The following APBB2 variants were observed in gnomAD, a reference collection of about 807,000 sequenced individuals.
The protein encoded by APBB2 is Fe65-like 1.
A neutral mutation model predicts 82.5 loss-of-function variants in APBB2; 38 were observed. That is an observed-to-expected ratio of 0.46 (90% confidence interval 0.36 to 0.60). The LOEUF is 0.60. Among genes scored for constraint, APBB2 ranks in the 20% least tolerant of loss-of-function variants. The pLI is 0.00. For missense variants in APBB2, 772 were observed against 972.3 expected (o/e 0.79, Z 2.74); for synonymous variants, 341 against 368.2 (o/e 0.93, Z 0.85).
intron 1 of APBB2, among the ~76,000 whole-genome samples, chr4:41,211,728 C>G (rs1004278867): frequency 3.9e-5 from 6 of 152,210 alleles, no homozygotes; most frequent in African/African-American, 1.4e-4. Flanking sequence ...GTGATCTGCC[C>G]GCCTCAGCTT....
At chr4:41,071,162 A>G (rs901996606) in intron 3 of APBB2, among the ~76,000 whole-genome samples, 1 of 152,246 alleles carries the variant, frequency 6.6e-6, no homozygotes, top group African/African-American at 2.4e-5. Flanking sequence ...AAGATATGTA[A>G]TAGCTCTGCT....
At chr4:41,110,812 G>A (rs548849750) in intron 2 of APBB2, among the ~76,000 whole-genome samples, 4 of 152,164 alleles carry the variant, frequency 2.6e-5, no homozygotes, top group South Asian at 2.1e-4. Context: ...AACTGGTTTC[G>A]TGAAAGACAA....
intron 6 of APBB2, among the ~76,000 whole-genome samples, chr4:40,973,002 T>G (rs1263394315): frequency 6.6e-6 from 1 of 152,254 alleles, no homozygotes; most frequent in African/African-American, 2.4e-5. Flanking sequence ...ACCAGTGGTA[T>G]GTACAATAAA....
At chr4:40,833,347 G>A (rs1752719383) in intron 12 of APBB2, among the ~76,000 whole-genome samples, 1 of 152,076 alleles carries the variant, frequency 6.6e-6, no homozygotes, top group Admixed American at 6.6e-5. Flanking sequence ...GGCACTCCCC[G>A]CTGCTCCAGA....
chr4:40,862,726 G>A (rs1314405468), intron 12 of APBB2, among the ~76,000 whole-genome samples: 2 of 152,162 alleles, frequency 1.3e-5, no homozygotes, highest in Non-Finnish European at 2.9e-5. Context: ...AGGCGTGGTG[G>A]CAGGCACCTA....
chr4:40,873,475 T>C (rs767773859), intron 12 of APBB2, among the ~76,000 whole-genome samples: 49 of 152,236 alleles, frequency 3.2e-4, no homozygotes, highest in Non-Finnish European at 6.6e-4. Context: ...AGCTCAACGC[T>C]GTACAGAGAT....
chr4:40,906,486 AAAG>A (rs1489678022), intron 10 of APBB2, among the ~76,000 whole-genome samples: 54 of 144,340 alleles, frequency 3.7e-4, no homozygotes, highest in African/African-American at 1.1e-3. Context: ...AAAAAAAAAA[AAAG>A]AAAAGAAAAG....
chr4:41,038,059 A>G (rs1719935594), intron 4 of APBB2, among the ~76,000 whole-genome samples: 1 of 152,158 alleles, frequency 6.6e-6, no homozygotes, highest in South Asian at 2.1e-4. Context: ...TAGCAACAAT[A>G]GTTTCCTTCT....
At chr4:41,134,568 G>C (rs1757049870) in intron 2 of APBB2, among the ~76,000 whole-genome samples, 2 of 152,134 alleles carry the variant, frequency 1.3e-5, no homozygotes, top group East Asian at 1.9e-4. Context: ...GTATATCATG[G>C]AGTTTCGGAA....
At chr4:41,129,782 A>AATTTATATATATAAATATATTTAT (rs1755448402) in intron 2 of APBB2, among the ~76,000 whole-genome samples, 6 of 151,736 alleles carry the variant, frequency 4.0e-5, no homozygotes, top group African/African-American at 1.2e-4. Flanking sequence ...TGCCTTTTGC[A>AATTTATATATATAAATATATTTAT]ATTTATATAT....
intron 5 of APBB2, among the ~76,000 whole-genome samples, chr4:41,018,950 C>A (rs1238000661): frequency 1.3e-5 from 2 of 152,224 alleles, no homozygotes; most frequent in Non-Finnish European, 2.9e-5. Flanking sequence ...TCTCCCACTA[C>A]TACAGTTCCA....
chr4:40,868,933 G>A (rs557229992), intron 12 of APBB2, among the ~76,000 whole-genome samples: 1 of 152,286 alleles, frequency 6.6e-6, no homozygotes, highest in African/African-American at 2.4e-5. Flanking sequence ...ACATGCACAT[G>A]AAAAGCCAAT....
chr4:40,937,228 A>G (rs1785591419), intron 7 of APBB2, among the ~76,000 whole-genome samples: 1 of 152,244 alleles, frequency 6.6e-6, no homozygotes, highest in African/African-American at 2.4e-5. Flanking sequence ...AAGAAACAAG[A>G]AAAACAAAGT....
chr4:40,932,517 T>A (rs1333238539), intron 10 of APBB2, among the ~76,000 whole-genome samples: 2 of 152,182 alleles, frequency 1.3e-5, no homozygotes, highest in Admixed American at 6.5e-5. Context: ...ACCTGTATGG[T>A]GTTCCCCTCT....
intron 2 of APBB2, among the ~76,000 whole-genome samples, chr4:41,124,532 A>G (rs1401076966): frequency 6.6e-6 from 1 of 152,124 alleles, no homozygotes; most frequent in East Asian, 1.9e-4. Flanking sequence ...TAAAAATGTA[A>G]AAACCATTCT....
At position 41,127,973 on chromosome 4, in the gene APBB2, G is replaced by C. The variant is rs1754856537; in HGVS notation, c.-261+15014C>G. Among the ~76,000 whole-genome samples the C allele has an allele frequency of 6.6e-6, 1 of 152,150 alleles. No homozygotes were observed. Reference sequence around the variant, plus strand: ...CAAGCACCTGTAATCCCAGCTACCTGGGAGACTGAAGCATGAGAATCGCTT... The same window carrying C: ...CAAGCACCTGTAATCCCAGCTACCTCGGAGACTGAAGCATGAGAATCGCTT... On this transcript the variant is annotated intron_variant, in intron 2 of 17. Transcript: ENST00000508593. The surrounding 1 kb of genome is among the most constrained non-coding windows in gnomAD (Gnocchi z 4.8).
rs768589414 is a variant in APBB2 at position 40,825,888 on chromosome 4, G to T, written c.1815C>A (p.Val605=). ...AAAGACAATAAACATTTCACATACC[G>T]ACTGGTTTGTCTACAGGTAACATGC... ...YLGMLPVDKP[V]GMDILNSAIE... The change falls in exon 15 of 18, where the codon GTC becomes GTA. Residue 605 remains valine, a splice_region_variant and synonymous_variant. Transcript: ENST00000508593. The T allele has an allele frequency of 5.6e-6, 9 of 1,612,926 alleles. No individual in the cohort carries two copies. The highest frequency in any genetic ancestry group is 6.8e-6 in the Non-Finnish European group (8 of 1,178,960).
chr4:40,982,804 T>A (rs1342194919), intron 6 of APBB2, among the ~76,000 whole-genome samples: 1 of 151,320 alleles, frequency 6.6e-6, no homozygotes, highest in Non-Finnish European at 1.5e-5. Flanking sequence ...AAAAAGAATA[T>A]CAGAGTTCCA....
Position 41,125,532 on chromosome 4 carries a change from GA to G in APBB2, c.-261+17454del, listed in dbSNP as rs200570355. The stretch of plus-strand genomic sequence containing the variant: ...ATTTTCTTCAAACCTAGGATACATC[GA>G]AAAAAAACAAAATTTACTATAACCT... On this transcript the variant is annotated intron_variant, in intron 2 of 17. Coordinates refer to ENST00000508593, the MANE Select transcript of APBB2 (RefSeq NM_004307.2). Among the ~76,000 whole-genome samples, 24 of 151,378 alleles carry G rather than the reference GA, an allele frequency of 1.6e-4. 1 individual carries two copies. The highest frequency in any genetic ancestry group is 1.3e-3 in the Admixed American group (19 of 15,196).
Sources: allele counts gnomAD v4.1 joint callset (sites outside exome capture counted in the v4.1 genomes callset), GRCh38; gene constraint gnomAD v4.1.1; non-coding constraint Gnocchi (gnomAD v3.1); transcripts MANE v1.5; gene names NCBI Gene and HGNC (gene_info 2026-07-23, HGNC 2026-07-21).